The following RIMS2 variants were observed in gnomAD, a reference collection of about 807,000 sequenced individuals.
RIMS2 encodes the protein regulating synaptic membrane exocytosis protein 2.
A neutral mutation model predicts 174.4 loss-of-function variants in RIMS2; 59 were observed. The observed-to-expected ratio is 0.34, with a 90% CI of 0.27 to 0.42. The LOEUF is 0.42. Ranked by LOEUF, RIMS2 falls within the 10% of genes least tolerant of loss-of-function variation. The pLI, the probability that RIMS2 is intolerant of heterozygous loss-of-function variation, is 1.00. For missense variants in RIMS2, 1,620 were observed against 1,666.3 expected (o/e 0.97, Z 0.48); for synonymous variants, 606 against 572.5 (o/e 1.06, Z -0.84).
chr8:104,046,149 C>T (rs1367356820), intron 19 of RIMS2, among the ~76,000 whole-genome samples: 1 of 152,010 alleles, frequency 6.6e-6, no homozygotes, highest in Middle Eastern at 3.2e-3. Context: ...ACTGGAAAGT[C>T]TAAGTAAGAT....
chr8:103,735,734 A>T (rs2097677068), intron 2 of RIMS2, among the ~76,000 whole-genome samples: 1 of 152,166 alleles, frequency 6.6e-6, no homozygotes, highest in African/African-American at 2.4e-5. Flanking sequence ...TGGTTCATGG[A>T]CCAAGCTGCA....
chr8:103,788,126 C>CAA (rs1258001668), intron 3 of RIMS2, among the ~76,000 whole-genome samples: 4 of 150,578 alleles, frequency 2.7e-5, no homozygotes, highest in African/African-American at 9.8e-5. Flanking sequence ...CTCCATCAGC[C>CAA]CCTTTAAGCA....
chr8:103,534,794 T>C (rs183620430), intron 1 of RIMS2, among the ~76,000 whole-genome samples: 1 of 152,324 alleles, frequency 6.6e-6, no homozygotes, highest in East Asian at 1.9e-4. Context: ...ATAAGGGTTT[T>C]GTAGAAATTT....
chr8:104,248,921 C>A (rs1003765644), intron 21 of RIMS2, 108 bp downstream of exon 27: 18 of 568,666 alleles, frequency 3.2e-5, no homozygotes, highest in Non-Finnish European at 4.5e-5. Context: ...CTTTCCCTCT[C>A]TCTCTCCCTC....
chr8:104,124,044 C>A (rs776547145), intron 19 of RIMS2, among the ~76,000 whole-genome samples: 19 of 152,054 alleles, frequency 1.2e-4, no homozygotes, highest in Non-Finnish European at 2.4e-4. Context: ...AAAATAACAT[C>A]TTGGTATTTT....
intron 3 of RIMS2, among the ~76,000 whole-genome samples, chr8:103,791,476 G>C (rs1182270320): frequency 6.6e-6 from 1 of 152,272 alleles, no homozygotes; most frequent in African/African-American, 2.4e-5. Context: ...ATGCCAAATT[G>C]TAAAGACCGT....
intron 1 of RIMS2, among the ~76,000 whole-genome samples, chr8:103,616,650 C>T (rs2095511389): frequency 6.6e-6 from 1 of 152,064 alleles, no homozygotes; most frequent in African/African-American, 2.4e-5. Context: ...GCTCCTTCAG[C>T]TGATAAACAA....
chr8:104,223,256 C>T, intron 19 of RIMS2: 1 of 541,976 alleles, frequency 1.8e-6, no homozygotes, highest in Non-Finnish European at 2.4e-6. Flanking sequence ...GCAGCCGCGC[C>T]GCCACCTCCC....
intron 3 of RIMS2, among the ~76,000 whole-genome samples, chr8:103,857,816 A>G (rs1186438469): frequency 6.6e-6 from 1 of 152,188 alleles, no homozygotes; most frequent in Non-Finnish European, 1.5e-5. Context: ...TCTACGCTAC[A>G]TTCTCCTCTC....
At chr8:103,520,329 A>G (rs1367384196) in intron 1 of RIMS2, among the ~76,000 whole-genome samples, 1 of 152,140 alleles carries the variant, frequency 6.6e-6, no homozygotes, top group Non-Finnish European at 1.5e-5. Flanking sequence ...ATTTGTTTAC[A>G]TGAAGTCTTG....
chr8:103,545,684 G>C (rs1471804417), intron 1 of RIMS2, among the ~76,000 whole-genome samples: 3 of 152,186 alleles, frequency 2.0e-5, no homozygotes, highest in Non-Finnish European at 4.4e-5. Context: ...TTTTTCAGCA[G>C]AAACTCTACA....
intron 19 of RIMS2, among the ~76,000 whole-genome samples, chr8:104,240,765 T>C (rs149671735): frequency 6.6e-6 from 1 of 152,232 alleles, no homozygotes; most frequent in East Asian, 1.9e-4. Context: ...GGACAATAGA[T>C]AGAGCTCACA....
At chr8:103,571,089 C>T (rs2092772375) in intron 1 of RIMS2, among the ~76,000 whole-genome samples, 1 of 151,958 alleles carries the variant, frequency 6.6e-6, no homozygotes. Flanking sequence ...TTATGATCTG[C>T]CATCAATGTT....
At chr8:104,045,972 T>C (rs1449002345) in intron 19 of RIMS2, among the ~76,000 whole-genome samples, 1 of 152,122 alleles carries the variant, frequency 6.6e-6, no homozygotes, top group Non-Finnish European at 1.5e-5. Context: ...AAGTGAAACT[T>C]CTAAAAATTA....
intron 19 of RIMS2, among the ~76,000 whole-genome samples, chr8:104,165,193 TTTTTG>T (rs1199298365): frequency 6.6e-6 from 1 of 152,198 alleles, no homozygotes; most frequent in Admixed American, 6.5e-5. Context: ...CTGTCGAATC[TTTTTG>T]TTTTATGTTT....
intron 14 of RIMS2, among the ~76,000 whole-genome samples, chr8:103,946,658 A>T (rs374283557): frequency 6.6e-6 from 1 of 152,194 alleles, no homozygotes; most frequent in Non-Finnish European, 1.5e-5. Flanking sequence ...ATGAATTAGA[A>T]CACCCAGTAT....
intron 19 of RIMS2, among the ~76,000 whole-genome samples, chr8:104,149,700 A>C (rs2098673698): frequency 1.3e-5 from 2 of 152,172 alleles, no homozygotes; most frequent in Admixed American, 6.5e-5. Flanking sequence ...ATTAAATCTA[A>C]TTTGTGTTTG....
At chr8:103,579,690 C>T (rs943427334) in intron 1 of RIMS2, among the ~76,000 whole-genome samples, 3 of 152,082 alleles carry the variant, frequency 2.0e-5, no homozygotes, top group Admixed American at 2.0e-4. Flanking sequence ...ACCACAATGC[C>T]AATTAAAATA....
chr8:103,792,419 A>G (rs567957971), intron 3 of RIMS2, among the ~76,000 whole-genome samples: 1,667 of 152,174 alleles, frequency 0.011, 43 homozygotes, highest in African/African-American at 0.038. Flanking sequence ...CACACTTAAA[A>G]GAGTGTGTAG....
Sources: allele counts gnomAD v4.1 joint callset (sites outside exome capture counted in the v4.1 genomes callset), GRCh38; gene constraint gnomAD v4.1.1; transcripts MANE v1.5; gene names NCBI Gene and HGNC (gene_info 2026-07-23, HGNC 2026-07-21).